Variants in EIPR1 observed in about 807,000 individuals in gnomAD.
EIPR1 encodes EARP complex and GARP complex interacting protein 1, also known as EARP and GARP complex-interacting protein 1.
Under a neutral mutation model 48.1 loss-of-function variants are expected in EIPR1, and 25 were observed. The observed-to-expected ratio is 0.52, with a 90% CI of 0.38 to 0.73. The LOEUF is 0.73. Ranked by LOEUF, EIPR1 falls within the 30% of genes least tolerant of loss-of-function variation. The pLI is 0.00. For missense variants in EIPR1, 415 were observed against 506.2 expected (o/e 0.82, Z 1.73); for synonymous variants, 204 against 201.9 (o/e 1.01, Z -0.09).
intron 1 of EIPR1, among the ~76,000 whole-genome samples, chr2:3,366,119 C>T (rs1235876582): frequency 2.0e-5 from 3 of 152,142 alleles, no homozygotes; most frequent in Non-Finnish European, 4.4e-5. Flanking sequence ...ACCAGCCTGG[C>T]CAACATGGCA....
chr2:3,232,542 T>C (rs921091553), intron 4 of EIPR1, among the ~76,000 whole-genome samples: 2 of 152,198 alleles, frequency 1.3e-5, no homozygotes, highest in African/African-American at 2.4e-5. Context: ...ATCTCCTGTT[T>C]CAATGTTGGT....
intron 3 of EIPR1, among the ~76,000 whole-genome samples, chr2:3,277,578 G>C (rs996183848): frequency 6.6e-5 from 10 of 152,188 alleles, no homozygotes; most frequent in Non-Finnish European, 1.2e-4. Context: ...ACCCCAGGCC[G>C]TGGGAACTAC....
intron 1 of EIPR1, among the ~76,000 whole-genome samples, chr2:3,359,012 G>A (rs1231272156): frequency 6.6e-6 from 1 of 152,198 alleles, no homozygotes; most frequent in Non-Finnish European, 1.5e-5. Context: ...GTGCTGTGGA[G>A]GCATCAAAGA....
intron 4 of EIPR1, among the ~76,000 whole-genome samples, chr2:3,250,517 G>GT (rs1666969532): frequency 6.6e-6 from 1 of 152,230 alleles, no homozygotes; most frequent in Admixed American, 6.5e-5. Flanking sequence ...GCTGGAACAA[G>GT]TTAAGACCTT....
chr2:3,276,128 C>CA (rs1379226637), intron 3 of EIPR1, among the ~76,000 whole-genome samples: 1 of 152,150 alleles, frequency 6.6e-6, no homozygotes, highest in African/African-American at 2.4e-5. Flanking sequence ...CTATGAAACA[C>CA]AGATAAATTG....
intron 3 of EIPR1, among the ~76,000 whole-genome samples, chr2:3,316,738 A>C (rs1347219671): frequency 1.3e-5 from 2 of 152,222 alleles, no homozygotes; most frequent in East Asian, 1.9e-4. Flanking sequence ...AACAAACCAC[A>C]AAGTTGGCTG....
chr2:3,189,683 T>C lies in EIPR1; in HGVS notation c.990-175A>G, dbSNP rs1237017945. Among the ~76,000 whole-genome samples the C allele has an allele frequency of 6.6e-6, 1 of 152,064 alleles. No individual in the cohort carries two copies. Among genetic ancestry groups the C allele is most frequent in the East Asian group, 1.9e-4 (1 of 5,168 alleles). On this transcript the variant is annotated intron_variant, in intron 8 of 8. Transcript: ENST00000382125. The surrounding 1 kb of genome is among the most constrained non-coding windows in gnomAD (Gnocchi z 4.6). ...GCCCACACCGAGGACGGTGGGGTGG[T>C]CCCTGCAGAAGCCCAGAAACCCTCA...
chr2:3,286,224 T>G lies in EIPR1; in HGVS notation c.260-28769A>C, dbSNP rs1331291776. On this transcript the variant is annotated intron_variant, in intron 3 of 8. Transcript: ENST00000382125. This position sits in a 1 kb window ranked among gnomAD's most constrained non-coding sequence, Gnocchi z 4.2. The stretch of plus-strand genomic sequence containing the variant: ...TGAGCAGCACAAAAGGTTGTTTTTA[T>G]GCTAATAAAAAAAAATAGGTTGGCC... Among the ~76,000 whole-genome samples, 1 of 152,170 alleles carries G rather than the reference T, an allele frequency of 6.6e-6. No individual in the cohort carries two copies. Among genetic ancestry groups the G allele is most frequent in the Non-Finnish European group, 1.5e-5 (1 of 68,028 alleles).
chr2:3,283,443 C>A (rs1668076148), intron 3 of EIPR1, among the ~76,000 whole-genome samples: 1 of 152,238 alleles, frequency 6.6e-6, no homozygotes, highest in Admixed American at 6.5e-5. Context: ...CTCTGCAACC[C>A]AAGCTGAGGG....
At chr2:3,335,852 A>G (rs1320041571) in intron 3 of EIPR1, among the ~76,000 whole-genome samples, 1 of 152,176 alleles carries the variant, frequency 6.6e-6, no homozygotes, top group African/African-American at 2.4e-5. Context: ...CCGCCCAGTC[A>G]TGCTTCCTGT....
chr2:3,195,332 G>A (rs536529858), intron 6 of EIPR1, among the ~76,000 whole-genome samples: 2 of 152,282 alleles, frequency 1.3e-5, no homozygotes, highest in South Asian at 2.1e-4. Context: ...CTTCCTCACC[G>A]CAGGCCTCAA....
At chr2:3,373,707 C>T (rs1455395254) in intron 1 of EIPR1, among the ~76,000 whole-genome samples, 4 of 152,098 alleles carry the variant, frequency 2.6e-5, no homozygotes, top group Non-Finnish European at 2.9e-5. Flanking sequence ...AACTACAAAC[C>T]ACTGCTCAAT....
intron 4 of EIPR1, among the ~76,000 whole-genome samples, chr2:3,219,957 G>A (rs747398683): frequency 2.0e-5 from 3 of 152,242 alleles, no homozygotes; most frequent in Non-Finnish European, 4.4e-5. Context: ...GAGTGGGCAA[G>A]TGACATTACA....
chr2:3,326,989 G>A (rs1336275903), intron 3 of EIPR1, among the ~76,000 whole-genome samples: 1 of 152,230 alleles, frequency 6.6e-6, no homozygotes, highest in Non-Finnish European at 1.5e-5. Context: ...GCAGGCCAGG[G>A]TGCTTGGCAC....
intron 3 of EIPR1, among the ~76,000 whole-genome samples, chr2:3,318,478 C>T (rs1474313874): frequency 2.6e-5 from 4 of 152,144 alleles, no homozygotes; most frequent in African/African-American, 9.7e-5. Flanking sequence ...GGAGGTGCTA[C>T]AGAAAGTCAA....
chr2:3,289,169 T>G, intron 3 of EIPR1, among the ~76,000 whole-genome samples: 1 of 152,202 alleles, frequency 6.6e-6, no homozygotes, highest in East Asian at 1.9e-4. Flanking sequence ...CTGTATTAAT[T>G]GGCAAACCTC....
At chr2:3,368,460 A>G (rs763327574) in intron 1 of EIPR1, among the ~76,000 whole-genome samples, 1 of 152,110 alleles carries the variant, frequency 6.6e-6, no homozygotes, top group Non-Finnish European at 1.5e-5. Flanking sequence ...CACTCTGCCC[A>G]CACCTGCAGG....
intron 1 of EIPR1, among the ~76,000 whole-genome samples, chr2:3,369,624 C>T (rs569696201): frequency 5.9e-5 from 9 of 152,352 alleles, no homozygotes; most frequent in South Asian, 4.1e-4. Flanking sequence ...CACGGAGTCT[C>T]GCTGATTGCT....
At chr2:3,190,197 G>A (rs1232509267) in intron 8 of EIPR1, among the ~76,000 whole-genome samples, 2 of 152,224 alleles carry the variant, frequency 1.3e-5, no homozygotes, top group African/African-American at 4.8e-5. Flanking sequence ...CACTTCCTCA[G>A]CACAGCGTGC....
Sources: allele counts gnomAD v4.1 joint callset (sites outside exome capture counted in the v4.1 genomes callset), GRCh38; gene constraint gnomAD v4.1.1; non-coding constraint Gnocchi (gnomAD v3.1); transcripts MANE v1.5; gene names NCBI Gene and HGNC (gene_info 2026-07-23, HGNC 2026-07-21).